NEXMIF: variants seen among roughly 807,000 people sequenced by gnomAD.
The protein encoded by NEXMIF is XLMR protein related to neurite extension.
In NEXMIF, 8 loss-of-function variants were observed where a neutral mutation model predicts 62.1. That is an observed-to-expected ratio of 0.13 (90% CI 0.08 to 0.23). The LOEUF is 0.23. Ranked by LOEUF, NEXMIF falls within the 10% of genes least tolerant of loss-of-function variation. The probability of loss-of-function intolerance (pLI) is 1.00; values close to 1 mark genes in which losing one functional copy is unlikely to be tolerated. For missense variants in NEXMIF, 976 were observed against 1,113.3 expected (o/e 0.88, Z 1.75); for synonymous variants, 404 against 416.6 (o/e 0.97, Z 0.37).
chrX:74,789,383 A>G (rs1224660926), intron 1 of NEXMIF, among the ~76,000 whole-genome samples: 1 of 106,959 alleles, frequency 9.3e-6, no homozygotes, highest in East Asian at 2.9e-4. Flanking sequence ...ATTGTTGGAC[A>G]TTTGGGTTGG....
At chrX:74,840,705 G>C (rs1272508745) in intron 1 of NEXMIF, among the ~76,000 whole-genome samples, 3 of 111,925 alleles carry the variant, frequency 2.7e-5, no homozygotes, top group Admixed American at 1.9e-4. Flanking sequence ...TATATGGCTA[G>C]CCAGTTATCT....
intron 1 of NEXMIF, among the ~76,000 whole-genome samples, chrX:74,775,382 T>C (rs2080225928): frequency 8.9e-6 from 1 of 111,926 alleles, no homozygotes. Flanking sequence ...TGAAGGCCAG[T>C]ATTATTATAA....
intron 1 of NEXMIF, among the ~76,000 whole-genome samples, chrX:74,851,069 G>GA (rs777725819): frequency 0.013 from 1,358 of 106,002 alleles, 8 homozygotes; most frequent in Middle Eastern, 0.033. Context: ...TTCACTGAAT[G>GA]AAAAAAAAAT....
At chrX:74,774,494 T>A (rs906930520) in intron 1 of NEXMIF, among the ~76,000 whole-genome samples, 4 of 111,804 alleles carry the variant, frequency 3.6e-5, no homozygotes, top group African/African-American at 1.3e-4. Flanking sequence ...AGAGTTATAG[T>A]CAGTTTTAAA....
chrX:74,887,799 T>C (rs2080701715), intron 1 of NEXMIF, among the ~76,000 whole-genome samples: 1 of 112,037 alleles, frequency 8.9e-6, no homozygotes, highest in Non-Finnish European at 1.9e-5. Flanking sequence ...TTACTGGGTA[T>C]ATACCCAAAG....
chrX:74,893,753 A>G (rs2147366463), intron 1 of NEXMIF, among the ~76,000 whole-genome samples: 1 of 112,195 alleles, frequency 8.9e-6, no homozygotes, highest in African/African-American at 3.2e-5. Context: ...CTTTGCAGAA[A>G]TTATAGCATC....
chrX:74,841,592 T>G (rs2080474098), intron 1 of NEXMIF, among the ~76,000 whole-genome samples: 1 of 111,971 alleles, frequency 8.9e-6, no homozygotes, highest in Non-Finnish European at 1.9e-5. Context: ...TTTTCCCCAT[T>G]CCGCATGTTG....
intron 1 of NEXMIF, among the ~76,000 whole-genome samples, chrX:74,827,053 CTAATTA>C (rs1357850728): frequency 8.9e-6 from 1 of 112,225 alleles, no homozygotes; most frequent in African/African-American, 3.2e-5. Flanking sequence ...TATCTACCCA[CTAATTA>C]TAAGTAATCA....
intron 1 of NEXMIF, among the ~76,000 whole-genome samples, chrX:74,866,174 G>T (rs1040144342): frequency 8.9e-6 from 1 of 112,033 alleles, no homozygotes; most frequent in Non-Finnish European, 1.9e-5. Flanking sequence ...GGATGGAGCT[G>T]CCCAAGGCCG....
In NEXMIF at chrX:74,733,286, G is replaced by A. The variant is rs1053503674; in HGVS notation, c.*6119C>T. ...ACAGGGTACCAACTTTTTGCAATTC[G>A]TTTCTTTCCCCTTATGTTATGTTTA... On this transcript the variant is annotated 3_prime_UTR_variant, in exon 4 of 4. Transcript: ENST00000055682. The A allele has an allele frequency of 3.6e-5, 4 of 111,863 alleles. No individual in the cohort carries two copies. The highest frequency in any genetic ancestry group is 1.3e-4 in the African/African-American group (4 of 30,793). 9.2% of individuals were successfully genotyped at this position (111,863 alleles called of 1,213,427 possible).
At position 74,736,596 on chromosome X, in the gene NEXMIF, G is replaced by A. The variant is rs754663527; in HGVS notation, c.*2809C>T. On this transcript the variant is annotated 3_prime_UTR_variant, in exon 4 of 4. Transcript: ENST00000055682. ...CAGCTGGTTATGACAGGAAGAAAAAGAACTGTGAGAGCAGAGACAGGACCA... is the reference window on the plus strand; with the variant it reads ...CAGCTGGTTATGACAGGAAGAAAAAAAACTGTGAGAGCAGAGACAGGACCA... 6.2e-4 allele frequency: 69 copies of A among 111,684 alleles called. No homozygotes were observed. Among genetic ancestry groups the A allele is most frequent in the Non-Finnish European group, 5.7e-4 (30 of 53,047 alleles). 9.2% of individuals were successfully genotyped at this position (111,684 alleles called of 1,213,427 possible). A position where few individuals can be genotyped will look rare whatever the true frequency, so the allele number is the denominator to read the frequency against.
chrX:74,870,563 T>A (rs750838581), intron 1 of NEXMIF, among the ~76,000 whole-genome samples: 1 of 111,483 alleles, frequency 9.0e-6, no homozygotes, highest in Admixed American at 9.6e-5. Context: ...ATTTGCAAAA[T>A]ACCCATCTGA....
intron 1 of NEXMIF, among the ~76,000 whole-genome samples, chrX:74,840,309 GA>G: frequency 1.8e-5 from 2 of 111,332 alleles, no homozygotes; most frequent in Middle Eastern, 9.3e-3. Flanking sequence ...TGCTGATTAT[GA>G]GACCTTTGTC....
intron 1 of NEXMIF, among the ~76,000 whole-genome samples, chrX:74,863,624 G>A (rs987679177): frequency 9.0e-6 from 1 of 111,184 alleles, no homozygotes; most frequent in Non-Finnish European, 1.9e-5. Context: ...TGAAATTGAG[G>A]TAGTAATAAA....
chrX:74,783,563 G>T (rs1204682498), intron 1 of NEXMIF, among the ~76,000 whole-genome samples: 1 of 111,505 alleles, frequency 9.0e-6, no homozygotes, highest in Non-Finnish European at 1.9e-5. Flanking sequence ...TGGCAGCAGA[G>T]GGTCAATTTG....
At position 74,735,096 on chromosome X, in the gene NEXMIF, C is replaced by G. The variant is rs751816392; in HGVS notation, c.*4309G>C. ...GTGAATTTTATGATTAGAAAACAAA[C>G]CAACCTCACATTAGTTTTATTTTAT... On this transcript the variant is annotated 3_prime_UTR_variant, in exon 4 of 4. Transcript: ENST00000055682. 7.2e-5 allele frequency: 8 copies of G among 111,871 alleles called. No homozygotes were observed. The highest frequency in any genetic ancestry group is 9.4e-5 in the Non-Finnish European group (5 of 53,121). The allele number at this position is 111,871 out of a possible 1,213,427, so 9.2% of individuals were successfully genotyped here.
chrX:74,882,972 A>C (rs1042499346), intron 1 of NEXMIF, among the ~76,000 whole-genome samples: 1 of 111,516 alleles, frequency 9.0e-6, no homozygotes, highest in Non-Finnish European at 1.9e-5. Flanking sequence ...ATCAGGGAGC[A>C]GCATTTGCGG....
At chrX:74,771,618 G>A (rs1316722578) in intron 1 of NEXMIF, among the ~76,000 whole-genome samples, 2 of 110,779 alleles carry the variant, frequency 1.8e-5, no homozygotes, top group Non-Finnish European at 3.8e-5. Context: ...AGGGTGGGGA[G>A]AAAGGGAAAT....
Position 74,733,647 on chromosome X carries a change from G to A in NEXMIF, c.*5758C>T, listed in dbSNP as rs192151509. On this transcript the variant is annotated 3_prime_UTR_variant, in exon 4 of 4. Coordinates refer to ENST00000055682, the MANE Select transcript of NEXMIF (RefSeq NM_001008537.3). Reference sequence around the variant, plus strand: ...TAGGTAACATTATGACAGTTTCACCGTACATTCAGTCACAAATATTTGAAA... The same window carrying A: ...TAGGTAACATTATGACAGTTTCACCATACATTCAGTCACAAATATTTGAAA... 26 of 112,124 alleles carry A rather than the reference G, an allele frequency of 2.3e-4. No individual in the cohort carries two copies. The highest frequency in any genetic ancestry group is 8.4e-4 in the African/African-American group (26 of 30,869). 9.2% of individuals were successfully genotyped at this position (112,124 alleles called of 1,213,427 possible). A position where few individuals can be genotyped will look rare whatever the true frequency, so the allele number is the denominator to read the frequency against.
Sources: gnomAD v4.1 joint callset for allele counts (sites outside exome capture counted in the v4.1 genomes callset) on GRCh38, gnomAD v4.1.1 for gene constraint, MANE v1.5 for transcripts, NCBI Gene and HGNC (gene_info 2026-07-23, HGNC 2026-07-21) for gene names.